The following OSMR variants were observed in gnomAD, a reference collection of about 807,000 sequenced individuals.
The protein encoded by OSMR is oncostatin-M-specific receptor subunit beta.
OSMR carries 81 observed loss-of-function variants against 99.9 expected under a neutral mutation model. The observed-to-expected ratio is 0.81, with a 90% confidence interval of 0.68 to 0.97. OSMR has a LOEUF of 0.97. Among genes scored for constraint, OSMR ranks in the 50% least tolerant of loss-of-function variants. OSMR has a pLI of 0.00. For synonymous variants in OSMR, 406 were observed against 410.4 expected (o/e 0.99, Z 0.13); for missense variants, 1,099 against 1,153.4 (o/e 0.95, Z 0.68).
intron 3 of OSMR, 137 bp from the exon 4 acceptor site, chr5:38,881,456 A>G (rs1006600085): frequency 5.5e-5 from 86 of 1,560,462 alleles, no homozygotes; most frequent in Non-Finnish European, 6.8e-5. Context: ...GGAATTGACT[A>G]GCAGAAGTGG....
intron 1 of OSMR, among the ~76,000 whole-genome samples, chr5:38,861,329 G>C (rs933006578): frequency 1.3e-5 from 2 of 151,896 alleles, no homozygotes; most frequent in Non-Finnish European, 2.9e-5. Context: ...GATTCTTAAC[G>C]AGCATGCTGC....
intron 1 of OSMR, among the ~76,000 whole-genome samples, chr5:38,864,298 T>G (rs1180720274): frequency 6.6e-6 from 1 of 152,184 alleles, no homozygotes. Flanking sequence ...CTGCAGTGGA[T>G]ATATCTGAGT....
intron 1 of OSMR, among the ~76,000 whole-genome samples, chr5:38,858,688 C>T (rs1741048781): frequency 1.3e-5 from 2 of 152,158 alleles, no homozygotes; most frequent in South Asian, 2.1e-4. Context: ...GACCTCCATA[C>T]TGTTTTCTAT....
At chr5:38,945,132 G>A, downstream of OSMR, 1 of 1,116,342 alleles carries the variant, frequency 9.0e-7, no homozygotes, top group Non-Finnish European at 1.3e-6. Context: ...TGCTTACATT[G>A]CATGCTAAAA....
At chr5:38,904,630 A>G in intron 9 of OSMR, 127 bp downstream of exon 9, 1 of 1,120,008 alleles carries the variant, frequency 8.9e-7, no homozygotes, top group African/African-American at 1.5e-5. Context: ...GGTAGCATTT[A>G]AAAAATTAGA....
chr5:38,906,025 A>C (rs1745207645), intron 9 of OSMR, among the ~76,000 whole-genome samples: 1 of 152,124 alleles, frequency 6.6e-6, no homozygotes, highest in Non-Finnish European at 1.5e-5. Context: ...CCTATCCTCA[A>C]GCCCATTGAG....
intron 9 of OSMR, among the ~76,000 whole-genome samples, chr5:38,909,241 C>G (rs973892192): frequency 2.6e-5 from 4 of 152,136 alleles, no homozygotes; most frequent in African/African-American, 4.8e-5. Flanking sequence ...CTCAGCCACT[C>G]ATTGGTGTTC....
intron 15 of OSMR, 35 bp from the exon 16 acceptor site, chr5:38,931,848 T>G: frequency 6.3e-7 from 1 of 1,592,170 alleles, no homozygotes; most frequent in Admixed American, 1.7e-5. Context: ...GGAAAAGTAC[T>G]TATTAAAAAT....
intron 9 of OSMR, among the ~76,000 whole-genome samples, chr5:38,909,981 C>G (rs905676022): frequency 1.3e-5 from 2 of 152,156 alleles, no homozygotes; most frequent in African/African-American, 4.8e-5. Flanking sequence ...TACAGGAGAC[C>G]TATATCACAC....
downstream of OSMR, chr5:38,945,552 G>A: frequency 6.2e-7 from 1 of 1,614,102 alleles, no homozygotes; most frequent in Non-Finnish European, 8.5e-7. Flanking sequence ...TTTCAATACA[G>A]ACACAATAAA....
At position 38,852,718 on chromosome 5, in the gene OSMR, A is replaced by ATTTTTTTTTTTTTTTTTTT. The variant is rs61559728; in HGVS notation, c.-14+6343_-14+6361dup. On this transcript the variant is annotated intron_variant, in intron 1 of 17. Coordinates refer to ENST00000274276, the MANE Select transcript of OSMR (RefSeq NM_003999.3). ...GATACATATTGAAACTATTGTTTTC[A>ATTTTTTTTTTTTTTTTTTT]TTTTTTTTTTTTTTTTTTTTTTTTT... Among the ~76,000 whole-genome samples the ATTTTTTTTTTTTTTTTTTT allele has an allele frequency of 1.5e-3, 103 of 70,680 alleles. 26 individuals carry two copies. The highest frequency in any genetic ancestry group is 1.8e-3 in the Non-Finnish European group (68 of 38,660). The allele number at this position is 70,680 out of a possible 152,430, so 46.4% of individuals were successfully genotyped here. A position where few individuals can be genotyped will look rare whatever the true frequency, so the allele number is the denominator to read the frequency against.
Position 38,848,188 on chromosome 5 carries a change from A to C in OSMR, c.-14+1801A>C, listed in dbSNP as rs544979720. On this transcript the variant is annotated intron_variant, in intron 1 of 17. Coordinates refer to ENST00000274276, the MANE Select transcript of OSMR (RefSeq NM_003999.3). ...TTAGTGAGTGTGGTCTTGCTCACTTACAGGAACTGTGAGCCTTGGCCCTCC... is the reference window on the plus strand; with the variant it reads ...TTAGTGAGTGTGGTCTTGCTCACTTCCAGGAACTGTGAGCCTTGGCCCTCC... 2.0e-5 allele frequency among the ~76,000 whole-genome samples: 3 copies of C among 152,304 alleles called. No homozygotes were observed. The South Asian group carries it at 6.2e-4, about 32-fold the overall frequency.
chr5:38,904,591 C>A lies in OSMR; in HGVS notation c.1285+88C>A, dbSNP rs1318453064. 3.3e-6 allele frequency: 5 copies of A among 1,526,318 alleles called. No homozygotes were observed. The African/African-American group carries it at 6.8e-5, about 21-fold the overall frequency. 94.5% of individuals were successfully genotyped at this position (1,526,318 alleles called of 1,614,324 possible). A position where few individuals can be genotyped will look rare whatever the true frequency, so the allele number is the denominator to read the frequency against. On this transcript the variant is annotated intron_variant, in intron 9 of 17. Coordinates refer to ENST00000274276, the MANE Select transcript of OSMR (RefSeq NM_003999.3). ...TAAGAGATTTTGGTTGTACCAAAAA[C>A]TAAGAGAAAAATATTTAAACAGAGG...
chr5:38,888,742 G>A (rs911362045), intron 7 of OSMR, among the ~76,000 whole-genome samples: 1 of 151,690 alleles, frequency 6.6e-6, no homozygotes, highest in African/African-American at 2.4e-5. Context: ...GCTGCATCTC[G>A]TAAGTCCACA....
chr5:38,945,117 T>A (rs1367398127), downstream of OSMR: 19 of 1,303,860 alleles, frequency 1.5e-5, no homozygotes, highest in Non-Finnish European at 1.7e-5. Context: ...ACGGCTTAAT[T>A]CCTGTGCTTA....
intron 11 of OSMR, 73 bp downstream of exon 11, chr5:38,919,135 A>G (rs984401444): frequency 5.5e-5 from 87 of 1,572,618 alleles, no homozygotes; most frequent in Admixed American, 7.5e-5. Flanking sequence ...GTAGTGATGG[A>G]TAAATTGAGA....
chr5:38,884,478 G>A (rs1743553303), intron 5 of OSMR, among the ~76,000 whole-genome samples: 1 of 152,208 alleles, frequency 6.6e-6, no homozygotes, highest in South Asian at 2.1e-4. Flanking sequence ...AGCCAGGATT[G>A]TGGCCTAGGA....
intron 1 of OSMR, among the ~76,000 whole-genome samples, chr5:38,850,584 TG>T (rs1453153606): frequency 1.3e-5 from 2 of 152,210 alleles, no homozygotes; most frequent in African/African-American, 4.8e-5. Flanking sequence ...TGACATTTAA[TG>T]TCAACTAAAG....
intron 7 of OSMR, among the ~76,000 whole-genome samples, chr5:38,900,662 G>T (rs1209398799): frequency 6.6e-6 from 1 of 152,180 alleles, no homozygotes; most frequent in African/African-American, 2.4e-5. Flanking sequence ...ATTACATAAT[G>T]TTTTCAGATA....
Sources: gnomAD v4.1 joint callset for allele counts (sites outside exome capture counted in the v4.1 genomes callset) on GRCh38, gnomAD v4.1.1 for gene constraint, MANE v1.5 for transcripts, NCBI Gene and HGNC (gene_info 2026-07-23, HGNC 2026-07-21) for gene names.